MAVS: variants seen among roughly 807,000 people sequenced by gnomAD.
The protein encoded by MAVS is mitochondrial antiviral signaling protein.
MAVS carries 20 observed loss-of-function variants against 30.2 expected under a neutral mutation model. That is an observed-to-expected ratio of 0.66 (90% CI 0.47 to 0.96). MAVS has a LOEUF of 0.96. MAVS is among the 40% of genes least tolerant of loss of function. The pLI, the probability that MAVS is intolerant of heterozygous loss-of-function variation, is 0.00. For missense variants in MAVS, 624 were observed against 701.1 expected (o/e 0.89, Z 1.24); for synonymous variants, 278 against 293.9 (o/e 0.95, Z 0.55).
In MAVS at chr20:3,860,661, C is replaced by T. The variant is rs551285061; in HGVS notation, c.293-671C>T. ...AAGTGCTGGGATTACAGGCGTGAGCCACCACGTCTGGCTTCTTTTTCTTTT... is the reference window on the plus strand; with the variant it reads ...AAGTGCTGGGATTACAGGCGTGAGCTACCACGTCTGGCTTCTTTTTCTTTT... On this transcript the variant is annotated intron_variant, in intron 3 of 6. Transcript: ENST00000428216. Among the ~76,000 whole-genome samples, 29 of 151,674 alleles carry T rather than the reference C, an allele frequency of 1.9e-4. 1 individual carries two copies. The highest frequency in any genetic ancestry group is 1.5e-3 in the Admixed American group (23 of 15,206).
chr20:3,872,830 T>C lies in MAVS; in HGVS notation c.*6683T>C, dbSNP rs2089965300. The C allele has an allele frequency of 6.6e-6, 1 of 152,260 alleles. No homozygotes were observed. The highest frequency in any genetic ancestry group is 2.4e-5 in the African/African-American group (1 of 41,416). 9.4% of individuals were successfully genotyped at this position (152,260 alleles called of 1,614,324 possible). On this transcript the variant is annotated 3_prime_UTR_variant, in exon 7 of 7. Coordinates refer to ENST00000428216, the MANE Select transcript of MAVS (RefSeq NM_020746.5). ...CTTTTATGTAATCATACAACAGATATTTGCACCTACATGTGCAGAGCACTG... is the reference window on the plus strand; with the variant it reads ...CTTTTATGTAATCATACAACAGATACTTGCACCTACATGTGCAGAGCACTG...
At position 3,866,114 on chromosome 20, in the gene MAVS, C is replaced by T. The variant is rs1399161083; in HGVS notation, c.1590C>T (p.Leu530=). The part of the protein sequence containing the change: ...VAVTGVLVVT[L]LVVLYRRRLH ...TGACAGGGGTGCTGGTAGTCACACT[C>T]CTGGTGGTGCTGTACCGGCGGCGTC... Residue 530 remains leucine, a synonymous_variant, in exon 7 of 7, where the codon CTC becomes CTT. Coordinates refer to ENST00000428216, the MANE Select transcript of MAVS (RefSeq NM_020746.5). 6 of 1,604,504 alleles carry T rather than the reference C, an allele frequency of 3.7e-6. No homozygotes were observed. The highest frequency in any genetic ancestry group is 5.1e-6 in the Non-Finnish European group (6 of 1,176,876).
At position 3,865,777 on chromosome 20, in the gene MAVS, T is replaced by A; in HGVS notation, c.1253T>A (p.Leu418Gln). 6.2e-7 allele frequency: 1 copy of A among 1,613,748 alleles called. No individual in the cohort carries two copies. The highest frequency in any genetic ancestry group is 1.1e-5 in the South Asian group (1 of 91,084). ...SSENRGLGSE[L>Q]SKPGVLASQV... The stretch of plus-strand genomic sequence containing the variant: ...GAGAATAGGGGCCTTGGGTCGGAGC[T>A]GAGTAAGCCTGGCGTGCTGGCATCC... Residue 418 changes from leucine to glutamine, a missense_variant, in exon 7 of 7, where the codon CTG becomes CAG. Transcript: ENST00000428216. This position sits in a 1 kb window ranked among gnomAD's most constrained non-coding sequence, Gnocchi z 4.7.
chr20:3,861,623 C>A, intron 4 of MAVS, 119 bp downstream of exon 4: 1 of 1,133,142 alleles, frequency 8.8e-7, no homozygotes, highest in Non-Finnish European at 1.2e-6. Flanking sequence ...AATCTCTGCT[C>A]AGAACCCTAG....
rs907393469 is a variant in MAVS, at chr20:3,871,495, T to C, written c.*5348T>C. ...GAGGTGATGATGAATGATGGGTGTG[T>C]CCAGTGGCAGTTTGCCCCACTGAGG... On this transcript the variant is annotated 3_prime_UTR_variant, in exon 7 of 7. Transcript: ENST00000428216. 6.5e-6 allele frequency: 1 copy of C among 152,684 alleles called. No homozygotes were observed. The highest frequency in any genetic ancestry group is 2.1e-4 in the South Asian group (1 of 4,828). The allele number at this position is 152,684 out of a possible 1,614,324, so 9.5% of individuals were successfully genotyped here. A position where few individuals can be genotyped will look rare whatever the true frequency, so the allele number is the denominator to read the frequency against.
chr20:3,859,476 C>G (rs1227566170), intron 3 of MAVS, among the ~76,000 whole-genome samples: 1 of 147,038 alleles, frequency 6.8e-6, no homozygotes, highest in African/African-American at 2.5e-5. Context: ...CCACTGCACT[C>G]CAGCCTGGAT....
rs772530788 is a variant in MAVS, at chr20:3,864,687, T to C, written c.1057T>C (p.Ser353Pro). 2 of 1,614,196 alleles carry C rather than the reference T, an allele frequency of 1.2e-6. No homozygotes were observed. Among genetic ancestry groups the C allele is most frequent in the East Asian group, 2.2e-5 (1 of 44,880 alleles). ...AGCACCATCCAAATTGCCCATCAAC[T>C]CAACCCGTGCTGGCATGGTGCCATC... is the stretch of plus-strand genomic sequence containing the variant. ...NPAPSKLPIN[S>P]TRAGMVPSKV... The change falls in exon 6 of 7, where the codon TCA becomes CCA. Residue 353 changes from serine to proline, a missense_variant. Transcript: ENST00000428216.
chr20:3,858,327 C>G (rs1319226558), intron 3 of MAVS, among the ~76,000 whole-genome samples: 1 of 152,096 alleles, frequency 6.6e-6, no homozygotes, highest in African/African-American at 2.4e-5. Context: ...AGTGTCCCTG[C>G]CACTCTGAGT....
chr20:3,865,710 G>A lies in MAVS; in HGVS notation c.1186G>A (p.Gly396Ser), dbSNP rs45529136. 1,449 of 1,609,854 alleles carry A rather than the reference G, an allele frequency of 9.0e-4. No homozygotes were observed. Among genetic ancestry groups the A allele is most frequent in the Non-Finnish European group, 1.2e-3 (1,386 of 1,177,584 alleles). ...EETPAAPTPA[G>S]ATGGSSAWLD... Reference sequence around the variant, plus strand: ...GACCCCAGCAGCTCCAACACCCGCCGGCGCCACTGGAGGCAGCTCAGCCTG... The same window carrying A: ...GACCCCAGCAGCTCCAACACCCGCCAGCGCCACTGGAGGCAGCTCAGCCTG... Residue 396 changes from glycine (G) to serine (S), a missense_variant, in exon 7 of 7, where the codon GGC (glycine) becomes AGC (serine). Physicochemically the swap from Gly to Ser is moderately conservative, Grantham distance 56 (BLOSUM62 0). Coordinates refer to ENST00000428216, the MANE Select transcript of MAVS (RefSeq NM_020746.5). This position sits in a 1 kb window ranked among gnomAD's most constrained non-coding sequence, Gnocchi z 4.7.
intron 1 of MAVS, among the ~76,000 whole-genome samples, chr20:3,853,168 G>A (rs2089776514): frequency 7.0e-6 from 1 of 142,494 alleles, no homozygotes; most frequent in African/African-American, 2.5e-5. Flanking sequence ...GACTCAGGCA[G>A]TAATAAAATA....
At chr20:3,856,695 T>G (rs1324234048) in intron 2 of MAVS, among the ~76,000 whole-genome samples, 1 of 152,114 alleles carries the variant, frequency 6.6e-6, no homozygotes, top group Non-Finnish European at 1.5e-5. Context: ...GGTTTTTGTT[T>G]CTGCTGTCTG....
At position 3,874,125 on chromosome 20, in the gene MAVS, A is replaced by C. The variant is rs1443340478; in HGVS notation, c.*7978A>C. 3 of 398,526 alleles carry C rather than the reference A, an allele frequency of 7.5e-6. No individual in the cohort carries two copies. Among genetic ancestry groups the C allele is most frequent in the Non-Finnish European group, 1.3e-5 (3 of 226,090 alleles). The allele number at this position is 398,526 out of a possible 1,614,324, so 24.7% of individuals were successfully genotyped here. ...AATATCGCTATGCACAGCAACATGG[A>C]TAAATTTCACAGACATGAGGTCAAG... On this transcript the variant is annotated 3_prime_UTR_variant, in exon 7 of 7. Coordinates refer to ENST00000428216, the MANE Select transcript of MAVS (RefSeq NM_020746.5).
chr20:3,848,069 C>A (rs2089723328), intron 1 of MAVS, among the ~76,000 whole-genome samples: 1 of 152,094 alleles, frequency 6.6e-6, no homozygotes, highest in Non-Finnish European at 1.5e-5. Context: ...CCTTCTGGTA[C>A]CTGGCTGATG....
chr20:3,862,511 G>A (rs765115030), intron 5 of MAVS, 98 bp downstream of exon 5: 2 of 1,346,552 alleles, frequency 1.5e-6, no homozygotes, highest in Non-Finnish European at 2.0e-6. Flanking sequence ...AGGAGACAAG[G>A]TGGGAATAAA....
chr20:3,853,101 C>CA (rs1555779809), intron 1 of MAVS, among the ~76,000 whole-genome samples: 2 of 149,300 alleles, frequency 1.3e-5, no homozygotes, highest in Non-Finnish European at 1.5e-5. Flanking sequence ...GGCCTCCCAA[C>CA]GTGCTGGGGT....
chr20:3,859,467 C>T (rs1423946081), intron 3 of MAVS, among the ~76,000 whole-genome samples: 1 of 149,238 alleles, frequency 6.7e-6, no homozygotes, highest in Admixed American at 6.7e-5. Context: ...GAGATTGCGC[C>T]ACTGCACTCC....
chr20:3,854,743 T>G lies in MAVS; in HGVS notation c.117+2T>G. 1 of 1,607,530 alleles carries G rather than the reference T, an allele frequency of 6.2e-7. No individual in the cohort carries two copies. Among genetic ancestry groups the G allele is most frequent in the African/African-American group, 1.3e-5 (1 of 74,898 alleles). On this transcript the variant is annotated splice_donor_variant, in intron 2 of 6. Transcript: ENST00000428216. LOFTEE classifies it high-confidence loss of function. Reference sequence around the variant, plus strand: ...CCCTGCCTCACAGCAAGAGACCAGGTGAGCAAGGGAAGTGACAGCCCGACA... The same window carrying G: ...CCCTGCCTCACAGCAAGAGACCAGGGGAGCAAGGGAAGTGACAGCCCGACA...
rs562275245 is a variant in MAVS at position 3,864,879 on chromosome 20, G to A, written c.1158+91G>A. 1.6e-5 allele frequency: 23 copies of A among 1,483,746 alleles called. No individual in the cohort carries two copies. The African/African-American group carries it at 2.5e-4, about 16-fold the overall frequency. The allele number at this position is 1,483,746 out of a possible 1,614,324, so 91.9% of individuals were successfully genotyped here. A position where few individuals can be genotyped will look rare whatever the true frequency, so the allele number is the denominator to read the frequency against. ...CCTGGCCTTGGCCCCTTCCCAGTCT[G>A]CATTCTGTGTCCAGCCTGTGCTGCT... On this transcript the variant is annotated intron_variant, in intron 6 of 6. Coordinates refer to ENST00000428216, the MANE Select transcript of MAVS (RefSeq NM_020746.5).
intron 3 of MAVS, among the ~76,000 whole-genome samples, chr20:3,860,373 ATTT>A (rs36084316): frequency 1.6e-5 from 2 of 125,066 alleles, no homozygotes; most frequent in Admixed American, 8.2e-5. Flanking sequence ...GATTCCTTCT[ATTT>A]TTTTTTTTTT....
Sources: allele counts gnomAD v4.1 joint callset (sites outside exome capture counted in the v4.1 genomes callset), GRCh38; gene constraint gnomAD v4.1.1; non-coding constraint Gnocchi (gnomAD v3.1); transcripts MANE v1.5; gene names NCBI Gene and HGNC (gene_info 2026-07-23, HGNC 2026-07-21).